The following INPP4A variants were observed in gnomAD, a reference collection of about 807,000 sequenced individuals.
INPP4A encodes the protein inositol polyphosphate-4-phosphatase type I A.
INPP4A carries 33 observed loss-of-function variants against 119.8 expected under a neutral mutation model. The observed-to-expected ratio is 0.28, with a 90% CI of 0.21 to 0.37. The LOEUF (loss-of-function observed/expected upper bound fraction) is 0.37. Among genes scored for constraint, INPP4A ranks in the 10% least tolerant of loss-of-function variants. The pLI, the probability that INPP4A is intolerant of heterozygous loss-of-function variation, is 1.00. For synonymous variants in INPP4A, 496 were observed against 500.7 expected (o/e 0.99, Z 0.12); for missense variants, 956 against 1,289.9 (o/e 0.74, Z 3.97).
intron 24 of INPP4A, among the ~76,000 whole-genome samples, chr2:98,579,180 G>A (rs1341946337): frequency 6.6e-6 from 1 of 151,850 alleles, no homozygotes; most frequent in South Asian, 2.1e-4. Flanking sequence ...CTCCTGAGTA[G>A]CTGGGATTAC....
chr2:98,537,260 CAG>C (rs1307996462), intron 7 of INPP4A, among the ~76,000 whole-genome samples: 2 of 152,220 alleles, frequency 1.3e-5, no homozygotes, highest in African/African-American at 4.8e-5. Flanking sequence ...AGGGTGTCCC[CAG>C]GTTCCCTGGA....
chr2:98,476,524 G>T (rs1677244766), intron 1 of INPP4A, among the ~76,000 whole-genome samples: 1 of 152,156 alleles, frequency 6.6e-6, no homozygotes, highest in Admixed American at 6.5e-5. Context: ...CACAGTCAGG[G>T]AGGCTCTCAG....
chr2:98,576,888 C>T, intron 23 of INPP4A, 101 bp from the exon 24 acceptor site: 1 of 1,416,688 alleles, frequency 7.1e-7, no homozygotes, highest in Non-Finnish European at 9.6e-7. Flanking sequence ...AGTTTCTGTT[C>T]CTGCCCTTGC....
intron 24 of INPP4A, among the ~76,000 whole-genome samples, chr2:98,579,918 T>G (rs1055115382): frequency 6.6e-6 from 1 of 152,272 alleles, no homozygotes; most frequent in African/African-American, 2.4e-5. Flanking sequence ...CCCAGAATTC[T>G]CGCACCAGCT....
chr2:98,574,437 A>T (rs1010031434), intron 23 of INPP4A, among the ~76,000 whole-genome samples: 8 of 152,112 alleles, frequency 5.3e-5, no homozygotes, highest in Non-Finnish European at 1.2e-4. Flanking sequence ...CAGGAGTTCG[A>T]GACCAGCCTG....
chr2:98,445,863 A>G (rs1694097016), intron 1 of INPP4A, among the ~76,000 whole-genome samples: 1 of 152,192 alleles, frequency 6.6e-6, no homozygotes, highest in Non-Finnish European at 1.5e-5. Flanking sequence ...AAAGACCTAT[A>G]TGTGGTAGAG....
At position 98,590,881 on chromosome 2, in the gene INPP4A, A is replaced by G. The variant is rs1270586233; in HGVS notation, c.*3273A>G. ...TCCCTTTATTCTCATTGATGGTAGC[A>G]GTGCACCTCGTTTCAGTGTCCTGAT... On this transcript the variant is annotated 3_prime_UTR_variant, in exon 25 of 25. Transcript: ENST00000409851. The G allele has an allele frequency of 1.7e-5, 4 of 231,196 alleles. No individual in the cohort carries two copies. The highest frequency in any genetic ancestry group is 3.4e-5 in the Non-Finnish European group (4 of 116,856). The allele number at this position is 231,196 out of a possible 1,614,324, so 14.3% of individuals were successfully genotyped here.
At position 98,566,173 on chromosome 2, in the gene INPP4A, C is replaced by G; in HGVS notation, c.2420+4C>G. 4.4e-6 allele frequency: 7 copies of G among 1,579,958 alleles called. No individual in the cohort carries two copies. The highest frequency in any genetic ancestry group is 1.2e-5 in the South Asian group (1 of 86,840). ...AGCAGCAGACACTGGCCGAGAGGTGCGTGCCGGCTCCTCGGGGCTGCGGGG... is the reference window on the plus strand; with the variant it reads ...AGCAGCAGACACTGGCCGAGAGGTGGGTGCCGGCTCCTCGGGGCTGCGGGG... On this transcript the variant is annotated splice_donor_region_variant and intron_variant, in intron 21 of 24. Transcript: ENST00000409851. The surrounding 1 kb of genome is among the most constrained non-coding windows in gnomAD (Gnocchi z 4.2).
intron 10 of INPP4A, among the ~76,000 whole-genome samples, chr2:98,541,086 G>A (rs1691339636): frequency 6.6e-6 from 1 of 152,206 alleles, no homozygotes; most frequent in Admixed American, 6.5e-5. Context: ...CCAGCACTTT[G>A]GGAGGCTGAG....
chr2:98,585,703 C>T (rs983088613), intron 24 of INPP4A, among the ~76,000 whole-genome samples: 14 of 152,330 alleles, frequency 9.2e-5, no homozygotes, highest in African/African-American at 2.9e-4. Context: ...ATTCAAACAT[C>T]TGGGGGAAAG....
intron 1 of INPP4A, among the ~76,000 whole-genome samples, chr2:98,457,986 T>TAA (rs1696436289): frequency 6.7e-6 from 1 of 148,418 alleles, no homozygotes; most frequent in Admixed American, 6.6e-5. Flanking sequence ...AAATTTTTTT[T>TAA]TTTTTTTTTT....
intron 1 of INPP4A, among the ~76,000 whole-genome samples, chr2:98,514,144 C>G (rs1685658063): frequency 6.6e-6 from 1 of 152,148 alleles, no homozygotes; most frequent in Non-Finnish European, 1.5e-5. Context: ...GTGAACCCGT[C>G]GTCTTTACGT....
chr2:98,554,904 A>T lies in INPP4A; in HGVS notation c.1566+415A>T, dbSNP rs1694175049. Among the ~76,000 whole-genome samples the T allele has an allele frequency of 6.6e-6, 1 of 152,168 alleles. No individual in the cohort carries two copies. Among genetic ancestry groups the T allele is most frequent in the African/African-American group, 2.4e-5 (1 of 41,438 alleles). On this transcript the variant is annotated intron_variant, in intron 15 of 24. Transcript: ENST00000409851. The surrounding 1 kb of genome is among the most constrained non-coding windows in gnomAD (Gnocchi z 4.7). The stretch of plus-strand genomic sequence containing the variant: ...GGAGCTCTGGTGCTGGGGCAAGTAG[A>T]TATGGATTTTGGAGCTGCCGCCCTG...
Position 98,554,390 on chromosome 2 carries a change from G to C in INPP4A, c.1467G>C (p.Glu489Asp), listed in dbSNP as rs1280368662. The change falls in exon 15 of 25, where the codon GAG becomes GAC. Residue 489 changes from glutamate to aspartate, a missense_variant. By Grantham distance (45) the Glu-to-Asp change is conservative. Around this residue, in one of 2 missense-constraint regions of INPP4A, gnomAD observed 652 missense variants for 797.9 expected, o/e 0.82. Coordinates refer to ENST00000409851, the MANE Select transcript of INPP4A (RefSeq NM_001134225.2). This position sits in a 1 kb window ranked among gnomAD's most constrained non-coding sequence, Gnocchi z 4.7. Reference protein sequence around the residue: ...SKASPTSTEEEQVMLRNDQDT... With the variant: ...SKASPTSTEEDQVMLRNDQDT... ...CCTCTCCCACTTCGACTGAGGAGGA[G>C]CAGGTGATGCTTAGAAATGACCAGG... The C allele has an allele frequency of 1.2e-6, 2 of 1,613,870 alleles. No individual in the cohort carries two copies. Among genetic ancestry groups the C allele is most frequent in the Non-Finnish European group, 1.7e-6 (2 of 1,179,832 alleles).
At chr2:98,526,984 CA>C (rs910502464) in intron 4 of INPP4A, among the ~76,000 whole-genome samples, 2 of 151,954 alleles carry the variant, frequency 1.3e-5, no homozygotes, top group African/African-American at 2.4e-5. Context: ...CCCCATTATC[CA>C]AATACCTTCC....
At chr2:98,495,308 G>A (rs1002048229) in intron 1 of INPP4A, among the ~76,000 whole-genome samples, 7 of 152,174 alleles carry the variant, frequency 4.6e-5, no homozygotes, top group South Asian at 4.1e-4. Flanking sequence ...ACTGGTCTAC[G>A]TGTCTATTTT....
intron 4 of INPP4A, among the ~76,000 whole-genome samples, chr2:98,525,344 C>G (rs549736287): frequency 1.3e-5 from 2 of 152,272 alleles, no homozygotes; most frequent in East Asian, 3.9e-4. Context: ...CCTTCCTCTT[C>G]TATTTTTAAG....
chr2:98,506,586 C>T (rs1333453407), intron 1 of INPP4A, among the ~76,000 whole-genome samples: 13 of 152,218 alleles, frequency 8.5e-5, no homozygotes, highest in Non-Finnish European at 1.8e-4. Context: ...GGCAGGTGAG[C>T]GGGCAGAAGG....
At chr2:98,487,664 T>C (rs1679833928) in intron 1 of INPP4A, among the ~76,000 whole-genome samples, 1 of 152,268 alleles carries the variant, frequency 6.6e-6, no homozygotes, top group Admixed American at 6.5e-5. Flanking sequence ...GAAGCAAGAA[T>C]TGCAGTTCTG....
Sources: allele counts gnomAD v4.1 joint callset (sites outside exome capture counted in the v4.1 genomes callset), GRCh38; gene constraint gnomAD v4.1.1; regional missense constraint gnomAD v4.1.1; non-coding constraint Gnocchi (gnomAD v3.1); transcripts MANE v1.5; gene names NCBI Gene and HGNC (gene_info 2026-07-23, HGNC 2026-07-21).